The following TXLNB variants were observed in gnomAD, a reference collection of about 807,000 sequenced individuals.
TXLNB encodes taxilin beta, also known as beta-taxilin.
In TXLNB, 37 loss-of-function variants were observed where a neutral mutation model predicts 57.4. The ratio of observed to expected loss-of-function variants is 0.64; its 90% CI spans 0.50 to 0.85. TXLNB has a LOEUF of 0.85. Among genes scored for constraint, TXLNB ranks in the 40% least tolerant of loss-of-function variants. The pLI is 0.00. For synonymous variants in TXLNB, 302 were observed against 309.6 expected (o/e 0.98, Z 0.26); for missense variants, 848 against 825.6 (o/e 1.03, Z -0.33).
chr6:139,250,765 C>A (rs917177445), intron 7 of TXLNB, among the ~76,000 whole-genome samples: 3 of 152,088 alleles, frequency 2.0e-5, no homozygotes, highest in African/African-American at 7.2e-5. Context: ...CAGGAGTGAG[C>A]ACATGTCTGG....
intron 5 of TXLNB, among the ~76,000 whole-genome samples, chr6:139,262,233 A>G (rs917572124): frequency 2.6e-5 from 4 of 152,146 alleles, no homozygotes; most frequent in Non-Finnish European, 5.9e-5. Flanking sequence ...TTTAGATGAC[A>G]TGGCAATTCT....
chr6:139,260,250 C>T, intron 6 of TXLNB, 68 bp downstream of exon 6: 1 of 1,527,240 alleles, frequency 6.5e-7, no homozygotes, highest in Non-Finnish European at 8.8e-7. Context: ...AAATACAAAA[C>T]AACTTGCTCA....
chr6:139,176,248 T>C, the TXLNB span, among the ~76,000 whole-genome samples: 1 of 152,220 alleles, frequency 6.6e-6, no homozygotes, highest in East Asian at 1.9e-4. The surrounding 1 kb of genome is among the most constrained non-coding windows in gnomAD (Gnocchi z 4.5). Flanking sequence ...TGTGCCTCAG[T>C]TGCATTATCT....
the TXLNB span, among the ~76,000 whole-genome samples, chr6:139,208,327 C>T: frequency 6.6e-6 from 1 of 152,068 alleles, no homozygotes; most frequent in South Asian, 2.1e-4. Context: ...AAAAAAAGTA[C>T]AGTACCAGAT....
At chr6:139,307,317 G>A in the TXLNB span, among the ~76,000 whole-genome samples, 1 of 152,164 alleles carries the variant, frequency 6.6e-6, no homozygotes. Flanking sequence ...AGCCTCTTGA[G>A]TAGCTGGAAC....
the TXLNB span, among the ~76,000 whole-genome samples, chr6:139,219,604 C>T: frequency 1.3e-5 from 2 of 152,296 alleles, no homozygotes; most frequent in African/African-American, 4.8e-5. Flanking sequence ...CGTCAGGAAG[C>T]GAAGCCACTG....
At chr6:139,290,415 TAAC>T (rs1777278708) in intron 1 of TXLNB, among the ~76,000 whole-genome samples, 1 of 152,176 alleles carries the variant, frequency 6.6e-6, no homozygotes, top group Admixed American at 6.5e-5. Flanking sequence ...ATGATACTTA[TAAC>T]AACAATTCCT....
At chr6:139,265,621 G>C (rs902134978) in intron 4 of TXLNB, among the ~76,000 whole-genome samples, 4 of 152,208 alleles carry the variant, frequency 2.6e-5, no homozygotes, top group Admixed American at 1.3e-4. Context: ...CACTAGTGTG[G>C]CCAAGGAAGC....
At chr6:139,248,531 A>G (rs1776121863) in intron 7 of TXLNB, among the ~76,000 whole-genome samples, 1 of 152,068 alleles carries the variant, frequency 6.6e-6, no homozygotes, top group Non-Finnish European at 1.5e-5. Flanking sequence ...AAAAGAAAAT[A>G]TGTTATTTCA....
chr6:139,207,491 G>C, the TXLNB span, among the ~76,000 whole-genome samples: 1 of 152,186 alleles, frequency 6.6e-6, no homozygotes, highest in South Asian at 2.1e-4. Context: ...GCAGTGCTAA[G>C]AGGAAAGTTC....
intron 7 of TXLNB, among the ~76,000 whole-genome samples, chr6:139,250,555 T>G (rs895675403): frequency 4.6e-5 from 7 of 151,992 alleles, no homozygotes; most frequent in African/African-American, 1.7e-4. Context: ...CCTGGTCACC[T>G]TCTATCACAA....
Position 139,244,535 on chromosome 6 carries a change from G to A in TXLNB, c.1266+60C>T, listed in dbSNP as rs114116365. 1.3e-3 allele frequency: 1,489 copies of A among 1,152,044 alleles called. 10 individuals carry two copies. In the African/African-American group the frequency reaches 0.02, roughly 16 times the overall value. 71.4% of individuals were successfully genotyped at this position (1,152,044 alleles called of 1,614,324 possible). A position where few individuals can be genotyped will look rare whatever the true frequency, so the allele number is the denominator to read the frequency against. On this transcript the variant is annotated intron_variant, in intron 9 of 9. Coordinates refer to ENST00000358430, the MANE Select transcript of TXLNB (RefSeq NM_153235.4). ...ACTATTACCAGGTTATAATTGTATC[G>A]TAAGTTTGAATGTTTTGACTAGACA...
At chr6:139,166,817 C>T in the TXLNB span, 2 of 1,613,698 alleles carry the variant, frequency 1.2e-6, no homozygotes, top group Non-Finnish European at 1.7e-6. Flanking sequence ...CGGTGGCTCC[C>T]CGGGCCAGTC....
At chr6:139,270,019 G>T (rs920214643) in intron 4 of TXLNB, among the ~76,000 whole-genome samples, 1 of 152,006 alleles carries the variant, frequency 6.6e-6, no homozygotes, top group Non-Finnish European at 1.5e-5. Flanking sequence ...GTGTCAATTC[G>T]GTGTGTGTCC....
intron 8 of TXLNB, 147 bp downstream of exon 8, chr6:139,247,670 C>A: frequency 7.2e-6 from 3 of 417,766 alleles, no homozygotes; most frequent in Non-Finnish European, 8.5e-6. Flanking sequence ...TTAAAAAATA[C>A]AGCCCAAACC....
At chr6:139,206,703 A>G in the TXLNB span, among the ~76,000 whole-genome samples, 2 of 152,032 alleles carry the variant, frequency 1.3e-5, no homozygotes, top group East Asian at 3.9e-4. Flanking sequence ...AGAATGGCAG[A>G]ATGGATTTAA....
intron 6 of TXLNB, 90 bp from the exon 7 acceptor site, chr6:139,255,728 T>C (rs750623031): frequency 2.1e-6 from 2 of 966,426 alleles, no homozygotes; most frequent in Admixed American, 2.2e-5. Context: ...CTTAGCAACC[T>C]GCTCATTAAC....
chr6:139,280,672 C>CA (rs1415555718), intron 2 of TXLNB, among the ~76,000 whole-genome samples: 2 of 136,472 alleles, frequency 1.5e-5, no homozygotes, highest in Admixed American at 7.1e-5. Flanking sequence ...TTTTCTCTTC[C>CA]AAAATTTTTT....
In TXLNB at chr6:139,260,332, G is replaced by A. The variant is rs778733549; in HGVS notation, c.988C>T (p.Arg330Ter). 71 of 1,613,930 alleles carry A rather than the reference G, an allele frequency of 4.4e-5. No individual in the cohort carries two copies. Among genetic ancestry groups the A allele is most frequent in the African/African-American group, 5.3e-5 (4 of 74,874 alleles). ...MMKEAEERHK[R>*]EKEYLLNQAA... ...ATGATAAATACATATTCCTTTTCTC[G>A]TTTGTGTCGCTCCTCCGCTTCCTTC... Residue 330 changes from arginine (R) to a stop codon, truncating the protein, a stop_gained, in exon 6 of 10, where the codon CGA becomes TGA. Coordinates refer to ENST00000358430, the MANE Select transcript of TXLNB (RefSeq NM_153235.4). LOFTEE classifies it high-confidence loss of function.
Sources: allele counts gnomAD v4.1 joint callset (sites outside exome capture counted in the v4.1 genomes callset), GRCh38; gene constraint gnomAD v4.1.1; non-coding constraint Gnocchi (gnomAD v3.1); transcripts MANE v1.5; gene names NCBI Gene and HGNC (gene_info 2026-07-23, HGNC 2026-07-21).